CTNNA3: variants seen among roughly 807,000 people sequenced by gnomAD.
CTNNA3 encodes the protein catenin alpha 3.
A neutral mutation model predicts 95.7 loss-of-function variants in CTNNA3; 76 were observed. The observed-to-expected ratio is 0.79, with a 90% CI of 0.66 to 0.96. CTNNA3 has a LOEUF of 0.96. CTNNA3 is among the 40% of genes least tolerant of loss of function. The pLI is 0.00. For missense variants in CTNNA3, 1,191 were observed against 1,089.8 expected, an observed-to-expected ratio of 1.09 and a Z score of -1.31; for synonymous variants, 431 against 374.4, an observed-to-expected ratio of 1.15 and a Z score of -1.74.
intron 11 of CTNNA3, among the ~76,000 whole-genome samples, chr10:66,397,867 AT>A (rs1554954437): frequency 6.6e-6 from 1 of 151,724 alleles, no homozygotes; most frequent in Non-Finnish European, 1.5e-5. Context: ...TATGAAAATA[AT>A]TTTTTAAAAG....
intron 13 of CTNNA3, among the ~76,000 whole-genome samples, chr10:66,174,587 CT>C (rs551868181): frequency 3.9e-5 from 6 of 152,004 alleles, no homozygotes; most frequent in African/African-American, 9.6e-5. Flanking sequence ...TATATGTCAA[CT>C]TTTTTTCAAC....
At chr10:66,879,791 C>A (rs932493140) in intron 7 of CTNNA3, among the ~76,000 whole-genome samples, 4 of 152,132 alleles carry the variant, frequency 2.6e-5, no homozygotes, top group Middle Eastern at 3.4e-3. Flanking sequence ...TAGACCTGGG[C>A]AACGCATGTT....
chr10:66,672,084 C>T lies in CTNNA3; in HGVS notation c.1282-50300G>A, dbSNP rs116069232. The stretch of plus-strand genomic sequence containing the variant: ...CAGTAGAACTGACCTGTAGTCAAGT[C>T]AGCTGATCAACAGAGAGAATGGAGG... On this transcript the variant is annotated intron_variant, in intron 9 of 17. Coordinates refer to ENST00000433211, the MANE Select transcript of CTNNA3 (RefSeq NM_013266.4). Among the ~76,000 whole-genome samples the T allele has an allele frequency of 2.1e-3, 325 of 152,204 alleles. 3 individuals are homozygous for T. Among genetic ancestry groups the T allele is most frequent in the African/African-American group, 7.6e-3 (314 of 41,536 alleles).
At chr10:67,534,060 A>G (rs577852349) in intron 4 of CTNNA3, among the ~76,000 whole-genome samples, 143 of 145,192 alleles carry the variant, frequency 9.8e-4, no homozygotes, top group African/African-American at 3.4e-3. Flanking sequence ...GTCAGGAGGG[A>G]AAAAAAAAAA....
At chr10:67,689,632 G>A (rs997699038) in intron 1 of CTNNA3, among the ~76,000 whole-genome samples, 2 of 152,018 alleles carry the variant, frequency 1.3e-5, no homozygotes, top group African/African-American at 2.4e-5. Context: ...ATGGCCGCAG[G>A]GTCAACCAAC....
At chr10:66,288,565 A>G (rs2091628656) in intron 12 of CTNNA3, among the ~76,000 whole-genome samples, 1 of 152,152 alleles carries the variant, frequency 6.6e-6, no homozygotes, top group African/African-American at 2.4e-5. Flanking sequence ...ACCTTATATT[A>G]AAATACTATA....
At chr10:66,329,468 G>C (rs186837555) in intron 12 of CTNNA3, among the ~76,000 whole-genome samples, 2 of 151,818 alleles carry the variant, frequency 1.3e-5, no homozygotes, top group Admixed American at 1.3e-4. Flanking sequence ...TCAAATGAAC[G>C]CATAAAATTA....
At chr10:67,755,733 T>G (rs1841428992) in intron 1 of CTNNA3, among the ~76,000 whole-genome samples, 1 of 127,750 alleles carries the variant, frequency 7.8e-6, no homozygotes, top group Non-Finnish European at 1.6e-5. Flanking sequence ...ACCAGGGAGC[T>G]GGAGGTTGAA....
chr10:67,704,745 A>C (rs1841067157), intron 1 of CTNNA3, among the ~76,000 whole-genome samples: 1 of 152,156 alleles, frequency 6.6e-6, no homozygotes, highest in Admixed American at 6.5e-5. Context: ...AAACACCAAA[A>C]GCAATGGCAA....
At chr10:67,258,616 A>G (rs1866456738) in intron 5 of CTNNA3, among the ~76,000 whole-genome samples, 1 of 152,122 alleles carries the variant, frequency 6.6e-6, no homozygotes, top group African/African-American at 2.4e-5. Context: ...CTATCTTTCA[A>G]CTGTGATTTT....
intron 13 of CTNNA3, among the ~76,000 whole-genome samples, chr10:66,122,118 G>T (rs1047693992): frequency 2.0e-5 from 3 of 151,972 alleles, no homozygotes; most frequent in Non-Finnish European, 4.4e-5. Flanking sequence ...ACAAACAAAA[G>T]GTAGTGGGTA....
At chr10:67,084,400 A>G (rs1857198769) in intron 7 of CTNNA3, among the ~76,000 whole-genome samples, 1 of 152,020 alleles carries the variant, frequency 6.6e-6, no homozygotes, top group African/African-American at 2.4e-5. Flanking sequence ...GACTATCACA[A>G]CATCATGAAT....
chr10:66,489,699 A>T (rs1839857733), intron 11 of CTNNA3, among the ~76,000 whole-genome samples: 1 of 152,162 alleles, frequency 6.6e-6, no homozygotes, highest in Non-Finnish European at 1.5e-5. Context: ...TACTTATCTC[A>T]TGCAAGTTAT....
chr10:67,711,207 TA>T (rs1394041807), intron 1 of CTNNA3, among the ~76,000 whole-genome samples: 1 of 152,172 alleles, frequency 6.6e-6, no homozygotes, highest in African/African-American at 2.4e-5. Context: ...GAAAGTGGAC[TA>T]ATAAAGTAAA....
chr10:66,453,306 A>T (rs117827312), intron 11 of CTNNA3, among the ~76,000 whole-genome samples: 5,580 of 152,216 alleles, frequency 0.037, 351 homozygotes, highest in East Asian at 0.23. Flanking sequence ...AGCTAGCTCT[A>T]TGTTTATTAA....
intron 2 of CTNNA3, among the ~76,000 whole-genome samples, chr10:67,609,290 G>C (rs2133384238): frequency 6.6e-6 from 1 of 152,264 alleles, no homozygotes; most frequent in South Asian, 2.1e-4. Flanking sequence ...TGCATGTCAT[G>C]AAACAGTGGA....
intron 8 of CTNNA3, 122 bp downstream of exon 8, chr10:66,775,322 C>T: frequency 1.9e-6 from 1 of 539,994 alleles, no homozygotes; most frequent in Non-Finnish European, 3.0e-6. Flanking sequence ...TATATATTTA[C>T]TCTTTTTTTC....
At chr10:67,672,843 G>C (rs550168164) in intron 1 of CTNNA3, among the ~76,000 whole-genome samples, 304 of 152,224 alleles carry the variant, frequency 2.0e-3, no homozygotes, top group African/African-American at 6.5e-3. Flanking sequence ...GGCGATGCGG[G>C]CTCTTTTTTG....
At chr10:66,945,816 GT>G (rs1239462397) in intron 7 of CTNNA3, among the ~76,000 whole-genome samples, 1 of 152,128 alleles carries the variant, frequency 6.6e-6, no homozygotes, top group Non-Finnish European at 1.5e-5. Flanking sequence ...ACTTTGATGT[GT>G]CTCAGGGAAT....
Sources: allele counts gnomAD v4.1 joint callset (sites outside exome capture counted in the v4.1 genomes callset), GRCh38; gene constraint gnomAD v4.1.1; transcripts MANE v1.5; gene names NCBI Gene and HGNC (gene_info 2026-07-23, HGNC 2026-07-21).